The following POC1A variants were observed in gnomAD, a reference collection of about 807,000 sequenced individuals.
The protein encoded by POC1A is POC1 centriolar protein homolog A.
In POC1A, 34 loss-of-function variants were observed where a neutral mutation model predicts 47.8. The observed-to-expected ratio is 0.71, with a 90% CI of 0.54 to 0.95. The LOEUF (loss-of-function observed/expected upper bound fraction) is 0.95. POC1A is among the 40% of genes least tolerant of loss of function. POC1A has a pLI of 0.00. For synonymous variants in POC1A, 177 were observed against 207.6 expected, an observed-to-expected ratio of 0.85 and a Z score of 1.27; for missense variants, 466 against 528.3, an observed-to-expected ratio of 0.88 and a Z score of 1.16.
intron 10 of POC1A, among the ~76,000 whole-genome samples, chr3:52,085,749 T>C (rs1702438945): frequency 6.6e-6 from 1 of 152,232 alleles, no homozygotes; most frequent in Non-Finnish European, 1.5e-5. Context: ...CGAGCAGCCT[T>C]AGGCAAGTTA....
chr3:52,123,439 G>A (rs567163669), intron 8 of POC1A, among the ~76,000 whole-genome samples: 7 of 146,724 alleles, frequency 4.8e-5, no homozygotes, highest in South Asian at 2.2e-4. Context: ...AAAAACCACC[G>A]TATCCACACA....
At chr3:52,150,094 G>T (rs1577929502) in intron 2 of POC1A, 107 bp from the exon 3 acceptor site, 2 of 862,690 alleles carry the variant, frequency 2.3e-6, no homozygotes, top group East Asian at 5.1e-5. Context: ...CATCTTCCCT[G>T]GCATCCACAA....
At chr3:52,083,084 C>A (rs1370443141) in intron 10 of POC1A, among the ~76,000 whole-genome samples, 1 of 152,162 alleles carries the variant, frequency 6.6e-6, no homozygotes, top group African/African-American at 2.4e-5. Context: ...CTGCTGGCCT[C>A]TGGGGTGGCT....
At chr3:52,139,551 G>C (rs1698113267) in intron 6 of POC1A, among the ~76,000 whole-genome samples, 1 of 152,124 alleles carries the variant, frequency 6.6e-6, no homozygotes, top group Non-Finnish European at 1.5e-5. Context: ...GCCTTCTCCA[G>C]GAAGCCTCCC....
chr3:52,142,897 A>G (rs1326087662), intron 6 of POC1A, among the ~76,000 whole-genome samples: 1 of 152,070 alleles, frequency 6.6e-6, no homozygotes. Flanking sequence ...AGACCAGAGC[A>G]GACCTGGCCA....
Position 52,145,910 on chromosome 3 carries a change from G to A in POC1A, c.615C>T (p.Ala205=), listed in dbSNP as rs540200806. ...ACACCTTCACTGTGTTGTCCATGCC[G>A]GCAGCGGCAATGCACGTCCCACTGG... ...FHPSGTCIAA[A]GMDNTVKVWD... is the part of the protein sequence containing the mutation. The change falls in exon 6 of 11, where the codon GCC becomes GCT. Residue 205 remains alanine, a synonymous_variant. Coordinates refer to ENST00000296484, the MANE Select transcript of POC1A (RefSeq NM_015426.5). 23 of 1,613,982 alleles carry A rather than the reference G, an allele frequency of 1.4e-5. No homozygotes were observed. In the East Asian group the frequency reaches 2.0e-4, roughly 14 times the overall value.
chr3:52,106,552 G>A (rs1038452371), intron 9 of POC1A, among the ~76,000 whole-genome samples: 9 of 152,150 alleles, frequency 5.9e-5, no homozygotes, highest in Admixed American at 1.3e-4. Flanking sequence ...GGGTTGAGGG[G>A]TAGGTCTAAA....
chr3:52,075,386 T>G lies in POC1A; in HGVS notation c.*501A>C, dbSNP rs1205638897. The stretch of plus-strand genomic sequence containing the variant: ...AAGCCACCACCCACTTGAGAGGGCT[T>G]GTTCTCAACAAACCTGACTCAGATG... On this transcript the variant is annotated 3_prime_UTR_variant, in exon 11 of 11. Transcript: ENST00000296484. 1 of 155,756 alleles carries G rather than the reference T, an allele frequency of 6.4e-6. No individual in the cohort carries two copies. The highest frequency in any genetic ancestry group is 2.4e-5 in the African/African-American group (1 of 41,506). 9.6% of individuals were successfully genotyped at this position (155,756 alleles called of 1,614,324 possible). A position where few individuals can be genotyped will look rare whatever the true frequency, so the allele number is the denominator to read the frequency against.
At position 52,154,415 on chromosome 3, in the gene POC1A, G is replaced by C. The variant is rs1244125945; in HGVS notation, c.-43C>G. 1.4e-6 allele frequency: 2 copies of C among 1,411,942 alleles called. No homozygotes were observed. The highest frequency in any genetic ancestry group is 3.0e-5 in the East Asian group (1 of 33,540). 87.5% of individuals were successfully genotyped at this position (1,411,942 alleles called of 1,614,324 possible). A position where few individuals can be genotyped will look rare whatever the true frequency, so the allele number is the denominator to read the frequency against. Reference sequence around the variant, plus strand: ...CGAAGGCAGCTGCGGTGGCCGTTGCGGCCCGTTCAGTTTCCGCGCCCCCAA... The same window carrying C: ...CGAAGGCAGCTGCGGTGGCCGTTGCCGCCCGTTCAGTTTCCGCGCCCCCAA... On this transcript the variant is annotated 5_prime_UTR_variant, in exon 1 of 11. Coordinates refer to ENST00000296484, the MANE Select transcript of POC1A (RefSeq NM_015426.5).
intron 10 of POC1A, among the ~76,000 whole-genome samples, chr3:52,077,958 T>C (rs41528444): frequency 0.042 from 6,409 of 152,198 alleles, 449 homozygotes; most frequent in African/African-American, 0.15. Flanking sequence ...GACCACTAAA[T>C]GTGTCTAAAT....
At chr3:52,136,527 GAACA>G (rs1206892735) in intron 7 of POC1A, among the ~76,000 whole-genome samples, 4 of 152,206 alleles carry the variant, frequency 2.6e-5, no homozygotes, top group Non-Finnish European at 5.9e-5. Context: ...GATGATGAAT[GAACA>G]AACAGACAGA....
intron 3 of POC1A, 48 bp downstream of exon 3, chr3:52,149,768 C>T (rs1480977081): frequency 3.2e-6 from 5 of 1,557,314 alleles, no homozygotes; most frequent in Non-Finnish European, 1.8e-6. Context: ...ATGGCTCTGG[C>T]ACCAGGGCCC....
chr3:52,101,277 C>T (rs951414092), intron 9 of POC1A, among the ~76,000 whole-genome samples: 1 of 151,932 alleles, frequency 6.6e-6, no homozygotes, highest in African/African-American at 2.4e-5. Context: ...ATCCTAGGTA[C>T]GTTAGGTAAC....
rs571351546 is a variant in POC1A, at chr3:52,132,955, A to G, written c.813+5214T>C. Among the ~76,000 whole-genome samples the G allele has an allele frequency of 2.0e-5, 3 of 152,032 alleles. 1 individual carries two copies. In the East Asian group the frequency reaches 5.8e-4, roughly 29 times the overall value. ...CAACTACTCGGGAGGCTGAGGTGGG[A>G]GGATTGTTTGAACCTGGGAGACGGA... On this transcript the variant is annotated intron_variant, in intron 7 of 10. Coordinates refer to ENST00000296484, the MANE Select transcript of POC1A (RefSeq NM_015426.5).
chr3:52,150,896 G>A (rs2107211356), intron 2 of POC1A, 120 bp downstream of exon 2: 2 of 801,622 alleles, frequency 2.5e-6, no homozygotes, highest in African/African-American at 1.7e-5. Flanking sequence ...AAGACTAGAA[G>A]CAGGTCTAGA....
At chr3:52,077,835 C>T (rs1702165029) in intron 10 of POC1A, among the ~76,000 whole-genome samples, 1 of 151,862 alleles carries the variant, frequency 6.6e-6, no homozygotes, top group Non-Finnish European at 1.5e-5. Context: ...ACCCAATTTG[C>T]AAACGTGGAG....
chr3:52,083,228 T>C (rs1702357179), intron 10 of POC1A, among the ~76,000 whole-genome samples: 1 of 152,120 alleles, frequency 6.6e-6, no homozygotes, highest in African/African-American at 2.4e-5. Flanking sequence ...TCCCACTGGC[T>C]CTGCAGAGGT....
intron 8 of POC1A, among the ~76,000 whole-genome samples, chr3:52,123,593 A>G (rs1376303542): frequency 2.0e-5 from 3 of 152,216 alleles, no homozygotes; most frequent in African/African-American, 7.2e-5. Context: ...GGTCGTGCAC[A>G]TATCACCTTA....
At chr3:52,151,174 A>G (rs1276234663) in intron 1 of POC1A, 74 bp from the exon 2 acceptor site, 3 of 1,602,220 alleles carry the variant, frequency 1.9e-6, no homozygotes, top group African/African-American at 2.7e-5. Context: ...CACTCTTCCT[A>G]CAACAGCCGG....
Sources: allele counts gnomAD v4.1 joint callset (sites outside exome capture counted in the v4.1 genomes callset), GRCh38; gene constraint gnomAD v4.1.1; transcripts MANE v1.5; gene names NCBI Gene and HGNC (gene_info 2026-07-23, HGNC 2026-07-21).